HHIPL2: variants seen among roughly 807,000 people sequenced by gnomAD.
HHIPL2 encodes the protein HHIP-like protein 2.
A neutral mutation model predicts 61.0 loss-of-function variants in HHIPL2; 61 were observed. That is an observed-to-expected ratio of 1.00 (90% confidence interval 0.81 to 1.24). HHIPL2 has a LOEUF of 1.24. HHIPL2 is among the 50% of genes most tolerant of loss of function. The pLI, the probability that HHIPL2 is intolerant of heterozygous loss-of-function variation, is 0.00. For synonymous variants in HHIPL2, 343 were observed against 357.4 expected (o/e 0.96, Z 0.45); for missense variants, 885 against 910.2 (o/e 0.97, Z 0.36).
intron 1 of HHIPL2, among the ~76,000 whole-genome samples, chr1:222,544,779 G>A (rs560299718): frequency 6.6e-6 from 1 of 152,300 alleles, no homozygotes; most frequent in African/African-American, 2.4e-5. Flanking sequence ...GAGATACAGT[G>A]TTAATTATTT....
At position 222,548,080 on chromosome 1, in the gene HHIPL2, T is replaced by C. The variant is rs1489067427; in HGVS notation, c.-36A>G. 1.4e-6 allele frequency: 2 copies of C among 1,469,048 alleles called. No individual in the cohort carries two copies. The highest frequency in any genetic ancestry group is 2.8e-5 in the African/African-American group (2 of 71,226). 91.0% of individuals were successfully genotyped at this position (1,469,048 alleles called of 1,614,324 possible). On this transcript the variant is annotated 5_prime_UTR_variant, in exon 1 of 9. Transcript: ENST00000343410. The stretch of plus-strand genomic sequence containing the variant: ...GGAACACTCGGGCTGCTGTGTTTGC[T>C]CAGGTTGGCTTCCCTGCTCTGCCCA...
intron 7 of HHIPL2, among the ~76,000 whole-genome samples, 158 bp from the exon 8 acceptor site, chr1:222,523,852 A>G (rs1382464588): frequency 6.6e-6 from 1 of 152,150 alleles, no homozygotes; most frequent in Admixed American, 6.5e-5. Context: ...ATGAGCTCAG[A>G]AGGTGAGGTA....
intron 5 of HHIPL2, among the ~76,000 whole-genome samples, chr1:222,532,663 A>G (rs1328068422): frequency 6.6e-6 from 1 of 151,942 alleles, no homozygotes; most frequent in Non-Finnish European, 1.5e-5. Context: ...GCACCACTAC[A>G]AAAGACTGAT....
At position 222,522,591 on chromosome 1, in the gene HHIPL2, G is replaced by T; in HGVS notation, c.*10C>A. 6.2e-7 allele frequency: 1 copy of T among 1,609,042 alleles called. No individual in the cohort carries two copies. The highest frequency in any genetic ancestry group is 1.1e-5 in the South Asian group (1 of 90,898). ...CTCACGTCACCCTGTCGGCCACCTTGACCAATAGGTCAAGGGAGACTTCTG... is the reference window on the plus strand; with the variant it reads ...CTCACGTCACCCTGTCGGCCACCTTTACCAATAGGTCAAGGGAGACTTCTG... On this transcript the variant is annotated 3_prime_UTR_variant, in exon 9 of 9. Coordinates refer to ENST00000343410, the MANE Select transcript of HHIPL2 (RefSeq NM_024746.4).
intron 7 of HHIPL2, among the ~76,000 whole-genome samples, chr1:222,526,063 G>A (rs1007672470): frequency 2.5e-4 from 38 of 151,988 alleles, no homozygotes; most frequent in African/African-American, 9.2e-4. Context: ...TCCTCAGGAT[G>A]GATACAATGC....
In HHIPL2 at chr1:222,544,083, T is replaced by C; in HGVS notation, c.428A>G (p.Asn143Ser). The change falls in exon 2 of 9, where the codon AAC becomes AGC. Residue 143 changes from asparagine (N) to serine (S), a missense_variant. By Grantham distance (46) the Asn-to-Ser change is conservative. Coordinates refer to ENST00000343410, the MANE Select transcript of HHIPL2 (RefSeq NM_024746.4). ...CAGCAGGGAAATGGCTGAGTGACAGTTAGAATGGAAGGCAGAGCAGTAATC... is the reference window on the plus strand; with the variant it reads ...CAGCAGGGAAATGGCTGAGTGACAGCTAGAATGGAAGGCAGAGCAGTAATC... Reference protein sequence around the residue: ...CSDYCSAFHSNCHSAISLLTN... With the variant: ...CSDYCSAFHSSCHSAISLLTN... 6.2e-7 allele frequency: 1 copy of C among 1,613,994 alleles called. No individual in the cohort carries two copies. The highest frequency in any genetic ancestry group is 8.5e-7 in the Non-Finnish European group (1 of 1,180,000).
In HHIPL2 at chr1:222,532,029, C is replaced by T. The variant is rs374237919; in HGVS notation, c.1660G>A (p.Ala554Thr). The change falls in exon 6 of 9, where the codon GCC (alanine) becomes ACC (threonine). Residue 554 changes from alanine (A) to threonine (T), a missense_variant. By Grantham distance (58) the Ala-to-Thr change is moderately conservative (BLOSUM62 0). Transcript: ENST00000343410. The stretch of plus-strand genomic sequence containing the variant: ...TGGGTGCTGATCAGCCCTGGGAAGG[C>T]ACAGGACGTGGTGCTGCCCAGGCAA... ...DLCLGSTTSC[A>T]FPGLISTHSK... 6.8e-6 allele frequency: 11 copies of T among 1,613,814 alleles called. No homozygotes were observed. Among genetic ancestry groups the T allele is most frequent in the Middle Eastern group, 1.7e-4 (1 of 6,060 alleles).
chr1:222,540,342 C>T lies in HHIPL2; in HGVS notation c.1119-1G>A. Reference sequence around the variant, plus strand: ...TAAAACTTTTCCCAGCAGGGAACTTCTGAAAGAAAGAAGGCCAAGAAGCAG... The same window carrying T: ...TAAAACTTTTCCCAGCAGGGAACTTTTGAAAGAAAGAAGGCCAAGAAGCAG... On this transcript the variant is annotated splice_acceptor_variant, in intron 3 of 8. Transcript: ENST00000343410. LOFTEE classifies it high-confidence loss of function. The T allele has an allele frequency of 6.3e-7, 1 of 1,599,590 alleles. No homozygotes were observed. The highest frequency in any genetic ancestry group is 8.5e-7 in the Non-Finnish European group (1 of 1,172,032).
chr1:222,534,909 T>C (rs762466881), intron 5 of HHIPL2, among the ~76,000 whole-genome samples: 8 of 152,078 alleles, frequency 5.3e-5, no homozygotes, highest in Admixed American at 3.3e-4. Context: ...GAAAACACAT[T>C]TGAAGATATA....
At chr1:222,534,791 T>A (rs1659267473) in intron 5 of HHIPL2, among the ~76,000 whole-genome samples, 2 of 151,418 alleles carry the variant, frequency 1.3e-5, no homozygotes, top group Admixed American at 1.3e-4. Flanking sequence ...ACAGAGAAAA[T>A]TTTTTAACAT....
intron 5 of HHIPL2, among the ~76,000 whole-genome samples, chr1:222,537,445 T>G (rs1383295409): frequency 6.6e-6 from 1 of 150,642 alleles, no homozygotes; most frequent in Non-Finnish European, 1.5e-5. Flanking sequence ...AAGAGCAGGC[T>G]TCAATTCAAA....
At chr1:222,537,766 T>TA (rs1162182650) in intron 5 of HHIPL2, among the ~76,000 whole-genome samples, 1 of 150,602 alleles carries the variant, frequency 6.6e-6, no homozygotes, top group Non-Finnish European at 1.5e-5. Context: ...GGTTGCCAGA[T>TA]ATAAGCTCAA....
intron 5 of HHIPL2, among the ~76,000 whole-genome samples, chr1:222,538,195 G>GGTGT (rs373452655): frequency 0.11 from 14,726 of 135,648 alleles, 916 homozygotes; most frequent in Middle Eastern, 0.19. Flanking sequence ...CTCTGGCTGG[G>GGTGT]GTGTGTGTGT....
At chr1:222,544,426 A>C (rs1659514141) in intron 1 of HHIPL2, among the ~76,000 whole-genome samples, 1 of 152,210 alleles carries the variant, frequency 6.6e-6, no homozygotes, top group Non-Finnish European at 1.5e-5. Context: ...CTAACATTTC[A>C]GCTTAGTTTT....
intron 4 of HHIPL2, 97 bp from the exon 5 acceptor site, chr1:222,538,871 G>A: frequency 5.5e-6 from 7 of 1,280,412 alleles, no homozygotes; most frequent in Non-Finnish European, 7.7e-6. Context: ...GCCTAATTCA[G>A]TAAAGAACAC....
At chr1:222,529,508 G>A (rs551295752) in intron 6 of HHIPL2, among the ~76,000 whole-genome samples, 11 of 152,284 alleles carry the variant, frequency 7.2e-5, no homozygotes, top group African/African-American at 2.6e-4. Flanking sequence ...TAAATTACAT[G>A]TCTTCCACAT....
chr1:222,543,991 G>T lies in HHIPL2; in HGVS notation c.520C>A (p.Leu174Ile). 2 of 1,614,172 alleles carry T rather than the reference G, an allele frequency of 1.2e-6. No individual in the cohort carries two copies. The highest frequency in any genetic ancestry group is 1.7e-6 in the Non-Finnish European group (2 of 1,180,046). The change falls in exon 2 of 9, where the codon CTT becomes ATT. Residue 174 changes from leucine to isoleucine, a missense_variant. By Grantham distance (5) the Leu-to-Ile change is conservative (BLOSUM62 2). Coordinates refer to ENST00000343410, the MANE Select transcript of HHIPL2 (RefSeq NM_024746.4). ...GGGAAGCAATAGTCCTTGTCAGGAA[G>T]GTCCAGGAGGTGGCAGAAGCGGGTA... is the stretch of plus-strand genomic sequence containing the variant. ...DGTRFCHLLDLPDKDYCFPNV... is the reference protein window; with the variant it reads ...DGTRFCHLLDIPDKDYCFPNV...
At chr1:222,541,938 A>T in intron 3 of HHIPL2, 74 bp downstream of exon 3, 1 of 1,477,492 alleles carries the variant, frequency 6.8e-7, no homozygotes, top group Non-Finnish European at 9.1e-7. Flanking sequence ...TTTGAGTTTG[A>T]TGCCATCCCT....
intron 1 of HHIPL2, among the ~76,000 whole-genome samples, chr1:222,546,968 C>T (rs1659568604): frequency 6.6e-6 from 1 of 152,216 alleles, no homozygotes; most frequent in African/African-American, 2.4e-5. Flanking sequence ...GGGTCCTCCC[C>T]AGGCAGCCTC....
Sources: gnomAD v4.1 joint callset for allele counts (sites outside exome capture counted in the v4.1 genomes callset) on GRCh38, gnomAD v4.1.1 for gene constraint, MANE v1.5 for transcripts, NCBI Gene and HGNC (gene_info 2026-07-23, HGNC 2026-07-21) for gene names.